AMZ1: variants seen among roughly 807,000 people sequenced by gnomAD.
The protein encoded by AMZ1 is archaemetzincin-1.
AMZ1 carries 39 observed loss-of-function variants against 29.9 expected under a neutral mutation model. The ratio of observed to expected loss-of-function variants is 1.30; its 90% CI spans 1.01 to 1.70. AMZ1 has a LOEUF of 1.70. Among genes scored for constraint, AMZ1 ranks in the 40% most tolerant of loss-of-function variants. The pLI, the probability that AMZ1 is intolerant of heterozygous loss-of-function variation, is 0.00. For missense variants in AMZ1, 1,041 were observed against 680.6 expected (o/e 1.53, Z -5.89); for synonymous variants, 458 against 304.0 (o/e 1.51, Z -5.27).
At chr7:2,723,851 G>A (rs1222480357), downstream of AMZ1, among the ~76,000 whole-genome samples, 12 of 152,202 alleles carry the variant, frequency 7.9e-5, no homozygotes, top group Admixed American at 7.2e-4. Flanking sequence ...AGAGGGCCAC[G>A]CTCTTGACCA....
intron 4 of AMZ1, among the ~76,000 whole-genome samples, chr7:2,755,409 G>C (rs1168426986): frequency 1.3e-5 from 2 of 152,162 alleles, no homozygotes; most frequent in Non-Finnish European, 2.9e-5. Flanking sequence ...CATTTGTTTA[G>C]ATCTCATTTC....
chr7:2,737,268 TGTTTTG>T (rs1562394805), intron 4 of AMZ1, among the ~76,000 whole-genome samples: 24,972 of 104,616 alleles, frequency 0.24, 4,008 homozygotes, highest in Non-Finnish European at 0.31. Flanking sequence ...CTCACAGTTT[TGTTTTG>T]TTTTTTTTTT....
intron 1 of AMZ1, among the ~76,000 whole-genome samples, chr7:2,688,744 G>T (rs1425141316): frequency 1.3e-5 from 2 of 152,204 alleles, no homozygotes; most frequent in Non-Finnish European, 2.9e-5. Context: ...ATCTCGTCGT[G>T]CCCAGGGCTC....
rs1421862332 is a variant in AMZ1, at chr7:2,737,283, T to G, written n.551-27429T>G. On this transcript the variant is annotated intron_variant and non_coding_transcript_variant, in intron 4 of 4. Transcript: ENST00000489665. ...CTCACAGTTTTGTTTTGTTTTTTTT[T>G]TTTTTGTTTTTTTTTTTTTTTTTGA... Among the ~76,000 whole-genome samples the G allele has an allele frequency of 1.6e-4, 10 of 61,096 alleles. 1 individual carries two copies. The East Asian group carries it at 2.0e-3, about 12-fold the overall frequency. The allele number at this position is 61,096 out of a possible 152,430, so 40.1% of individuals were successfully genotyped here. A position where few individuals can be genotyped will look rare whatever the true frequency, so the allele number is the denominator to read the frequency against.
chr7:2,696,326 G>A (rs61200502), intron 1 of AMZ1, among the ~76,000 whole-genome samples: 4 of 139,808 alleles, frequency 2.9e-5, no homozygotes, highest in East Asian at 4.5e-4. Context: ...GTGCGATCTT[G>A]GCTCACTGCA....
chr7:2,756,588 CTGAG>C (rs1361334662), intron 4 of AMZ1, among the ~76,000 whole-genome samples: 5 of 151,216 alleles, frequency 3.3e-5, no homozygotes, highest in African/African-American at 1.2e-4. Context: ...GCACTACAGC[CTGAG>C]TGAGACCCTG....
At chr7:2,730,023 C>T (rs1789808928) in intron 4 of AMZ1, 1 of 152,350 alleles carries the variant, frequency 6.6e-6, no homozygotes, top group Non-Finnish European at 1.5e-5. Context: ...GAGAATCAGA[C>T]TTAGGGAGAG....
intron 6 of AMZ1, 72 bp downstream of exon 6, chr7:2,709,888 C>G (rs888624267): frequency 1.3e-6 from 2 of 1,570,356 alleles, no homozygotes; most frequent in Non-Finnish European, 1.7e-6. Context: ...CGCCTGGAGG[C>G]TACGCAGGGC....
intron 4 of AMZ1, 95 bp from the exon 5 acceptor site, chr7:2,708,980 G>A: frequency 1.4e-6 from 2 of 1,429,194 alleles, no homozygotes; most frequent in Non-Finnish European, 1.9e-6. Context: ...TTGGGCCATG[G>A]CCAGCTTGCA....
intron 4 of AMZ1, among the ~76,000 whole-genome samples, chr7:2,735,478 T>C (rs1001001435): frequency 1.3e-5 from 2 of 152,064 alleles, no homozygotes; most frequent in African/African-American, 4.8e-5. Flanking sequence ...GCCCAGATAG[T>C]ACGGACGCAA....
chr7:2,712,440 CTG>C lies in AMZ1; in HGVS notation c.1062_1063del (p.Cys354Ter). On this transcript the variant is annotated frameshift_variant, in exon 7 of 7. Coordinates refer to ENST00000683327, the MANE Select transcript of AMZ1 (RefSeq NM_001384743.1). LOFTEE classifies it low-confidence loss of function (END_TRUNC). ...PPASADSGMC[C>X]ESDSEPGTSV... ...CTGCCAGCGCCGACTCGGGCATGTGCTGTGAGAGTGACTCGGAGCCCGGCACC... is the reference window on the plus strand; with the variant it reads ...CTGCCAGCGCCGACTCGGGCATGTGCTGAGAGTGACTCGGAGCCCGGCACC... 2 of 1,611,846 alleles carry C rather than the reference CTG, an allele frequency of 1.2e-6. No homozygotes were observed. Among genetic ancestry groups the C allele is most frequent in the Non-Finnish European group, 1.7e-6 (2 of 1,179,716 alleles).
Position 2,702,812 on chromosome 7 carries a change from T to G in AMZ1, c.395T>G (p.Leu132Arg). Residue 132 changes from leucine (L) to arginine (R), a missense_variant, in exon 3 of 7, where the codon CTG becomes CGG. Leu to Arg is a moderately radical substitution (Grantham distance 102). Coordinates refer to ENST00000683327, the MANE Select transcript of AMZ1 (RefSeq NM_001384743.1). ...TTCCTGGGCCTGCGCGTCAAGTGCCTGCCGTCGGTGGCAGCCGCGTCCATC... is the reference window on the plus strand; with the variant it reads ...TTCCTGGGCCTGCGCGTCAAGTGCCGGCCGTCGGTGGCAGCCGCGTCCATC... ...AFFLGLRVKCLPSVAAASIRC... is the reference protein window; with the variant it reads ...AFFLGLRVKCRPSVAAASIRC... 1.3e-6 allele frequency: 2 copies of G among 1,553,184 alleles called. No homozygotes were observed. Among genetic ancestry groups the G allele is most frequent in the Non-Finnish European group, 1.7e-6 (2 of 1,153,002 alleles).
In AMZ1 at chr7:2,742,353, G is replaced by A. The variant is rs114285252; in HGVS notation, n.551-22359G>A. Among the ~76,000 whole-genome samples, 333 of 152,190 alleles carry A rather than the reference G, an allele frequency of 2.2e-3. 3 individuals are homozygous for A. The highest frequency in any genetic ancestry group is 7.7e-3 in the African/African-American group (320 of 41,526). On this transcript the variant is annotated intron_variant and non_coding_transcript_variant, in intron 4 of 4. Transcript: ENST00000489665. ...TTTGAAGAAGAGGGCTGCCTCCCAC[G>A]GCCCTTGGGGTTTTTGCGATGTCTC... is the stretch of plus-strand genomic sequence containing the variant.
chr7:2,723,795 C>T (rs1404297637), downstream of AMZ1, among the ~76,000 whole-genome samples: 4 of 152,234 alleles, frequency 2.6e-5, no homozygotes, highest in East Asian at 7.7e-4. Flanking sequence ...GAGCTAGTAC[C>T]AGAGAGCCCC....
intron 4 of AMZ1, among the ~76,000 whole-genome samples, chr7:2,739,385 A>T (rs957221342): frequency 6.6e-6 from 1 of 152,198 alleles, no homozygotes; most frequent in African/African-American, 2.4e-5. Flanking sequence ...CACAGCATGC[A>T]GCCCTTTGTG....
upstream of AMZ1, among the ~76,000 whole-genome samples, chr7:2,759,834 C>T (rs886616355): frequency 5.9e-5 from 9 of 152,146 alleles, no homozygotes; most frequent in Non-Finnish European, 1.2e-4. Context: ...GCAACGGGTG[C>T]AGATGCCGTC....
chr7:2,719,682 AAT>A (rs1491545312), exon 7 of AMZ1, among the ~76,000 whole-genome samples: 5 of 81,426 alleles, frequency 6.1e-5, no homozygotes, highest in Non-Finnish European at 1.3e-4. Context: ...TATCAACCCC[AAT>A]TTTTTTTTTT....
intron 1 of AMZ1, among the ~76,000 whole-genome samples, chr7:2,693,721 A>C (rs1332112151): frequency 6.6e-6 from 1 of 152,140 alleles, no homozygotes; most frequent in East Asian, 1.9e-4. Flanking sequence ...ACGCCTGGCT[A>C]ATTTTTTGTA....
chr7:2,761,956 C>T (rs1170512427), upstream of AMZ1, among the ~76,000 whole-genome samples: 3 of 152,152 alleles, frequency 2.0e-5, no homozygotes, highest in African/African-American at 4.8e-5. Flanking sequence ...AGTGTCCAGC[C>T]GCCCACCAGT....
Sources: allele counts gnomAD v4.1 joint callset (sites outside exome capture counted in the v4.1 genomes callset), GRCh38; gene constraint gnomAD v4.1.1; transcripts MANE v1.5; gene names NCBI Gene and HGNC (gene_info 2026-07-23, HGNC 2026-07-21).